The following F13A1 variants were observed in gnomAD, a reference collection of about 807,000 sequenced individuals.
F13A1 encodes the protein FSF, A subunit.
Under a neutral mutation model 80.1 loss-of-function variants are expected in F13A1, and 47 were observed. That is an observed-to-expected ratio of 0.59 (90% confidence interval 0.46 to 0.75). The LOEUF (loss-of-function observed/expected upper bound fraction) is 0.75. Ranked by LOEUF, F13A1 falls within the 30% of genes least tolerant of loss-of-function variation. F13A1 has a pLI of 0.00. For missense variants in F13A1, 817 were observed against 930.4 expected (o/e 0.88, Z 1.59); for synonymous variants, 349 against 344.9 (o/e 1.01, Z -0.13).
rs1224605741 is a variant in F13A1, at chr6:6,174,771, A to G, written c.1556T>C (p.Val519Ala). ...TEGVMKSRSN[V>A]DMDFEVENAV... ...ATTTTCCACTTCAAAGTCCATGTCA[A>G]CGTTGGACCTTGATTTCATGACACC... Residue 519 changes from valine (V) to alanine (A), a missense_variant, in exon 12 of 15, where the codon GTT becomes GCT. Physicochemically the swap from Val to Ala is moderately conservative, Grantham distance 64 (BLOSUM62 0). Coordinates refer to ENST00000264870, the MANE Select transcript of F13A1 (RefSeq NM_000129.4). The G allele has an allele frequency of 1.1e-5, 18 of 1,614,078 alleles. No homozygotes were observed. Among genetic ancestry groups the G allele is most frequent in the East Asian group, 4.5e-5 (2 of 44,892 alleles).
intron 8 of F13A1, among the ~76,000 whole-genome samples, chr6:6,202,548 G>A (rs994789462): frequency 2.0e-5 from 3 of 152,008 alleles, no homozygotes; most frequent in South Asian, 2.1e-4. Context: ...TTATGTTCTC[G>A]GAGCCTTCAT....
chr6:6,249,919 G>GCTT (rs766065796), intron 5 of F13A1, among the ~76,000 whole-genome samples: 1 of 152,166 alleles, frequency 6.6e-6, no homozygotes, highest in Non-Finnish European at 1.5e-5. Flanking sequence ...AGTCAGGGAA[G>GCTT]CTGTTCACAA....
rs1215799387 is a variant in F13A1, at chr6:6,316,108, T to C, written c.130+2427A>G. 5.9e-3 allele frequency among the ~76,000 whole-genome samples: 290 copies of C among 49,420 alleles called. 19 individuals are homozygous for C. The highest frequency in any genetic ancestry group is 0.024 in the African/African-American group (251 of 10,268). The allele number at this position is 49,420 out of a possible 152,430, so 32.4% of individuals were successfully genotyped here. ...ATATATATATATATATATATATATA[T>C]ATATATATATATATATATATATATA... is the stretch of plus-strand genomic sequence containing the variant. On this transcript the variant is annotated intron_variant, in intron 2 of 14. Coordinates refer to ENST00000264870, the MANE Select transcript of F13A1 (RefSeq NM_000129.4).
intron 8 of F13A1, among the ~76,000 whole-genome samples, chr6:6,202,529 C>G (rs1480869654): frequency 1.3e-5 from 2 of 152,158 alleles, no homozygotes; most frequent in African/African-American, 4.8e-5. Context: ...CTTTAAGATT[C>G]ATGGTTTTTT....
chr6:6,244,001 C>T (rs1201487425), intron 6 of F13A1, among the ~76,000 whole-genome samples: 4 of 152,214 alleles, frequency 2.6e-5, no homozygotes, highest in Non-Finnish European at 2.9e-5. Context: ...CAGGTAACCA[C>T]GCCGCAGTAA....
intron 10 of F13A1, among the ~76,000 whole-genome samples, chr6:6,191,358 G>C (rs1006586911): frequency 6.6e-6 from 1 of 152,072 alleles, no homozygotes; most frequent in Non-Finnish European, 1.5e-5. Flanking sequence ...TCCTTCTTTT[G>C]AATGTAATGT....
At chr6:6,222,239 C>T in intron 7 of F13A1, 68 bp from the exon 8 acceptor site, 1 of 1,600,078 alleles carries the variant, frequency 6.2e-7, no homozygotes, top group East Asian at 2.2e-5. Context: ...TGAAAAAACC[C>T]TTCTTGTAGG....
chr6:6,222,286 G>A, intron 7 of F13A1, 115 bp from the exon 8 acceptor site: 1 of 1,365,512 alleles, frequency 7.3e-7, no homozygotes, highest in South Asian at 1.2e-5. Flanking sequence ...AAGCCCTTTG[G>A]ACATGTTATT....
At chr6:6,186,772 T>C (rs1761087650) in intron 10 of F13A1, among the ~76,000 whole-genome samples, 1 of 151,930 alleles carries the variant, frequency 6.6e-6, no homozygotes, top group Non-Finnish European at 1.5e-5. Context: ...AAGTCACTGG[T>C]AGCTTGATGG....
intron 3 of F13A1, among the ~76,000 whole-genome samples, chr6:6,301,470 T>G (rs1001981534): frequency 1.5e-4 from 23 of 152,220 alleles, no homozygotes; most frequent in African/African-American, 5.1e-4. Flanking sequence ...CATGTGGCCC[T>G]GTAATGGCCC....
At chr6:6,307,015 G>T (rs911248805) in intron 2 of F13A1, among the ~76,000 whole-genome samples, 4 of 152,196 alleles carry the variant, frequency 2.6e-5, no homozygotes, top group Non-Finnish European at 4.4e-5. Flanking sequence ...TTGAATCTCA[G>T]GTGTCAAAAT....
intron 8 of F13A1, among the ~76,000 whole-genome samples, chr6:6,210,351 CT>C (rs567086298): frequency 1.5e-3 from 78 of 51,050 alleles, no homozygotes; most frequent in African/African-American, 2.6e-3. Context: ...ATATATATTT[CT>C]TTTTTTTTTT....
chr6:6,174,509 G>A (rs768460371), intron 12 of F13A1, 71 bp downstream of exon 12: 294 of 1,510,380 alleles, frequency 1.9e-4, no homozygotes, highest in Non-Finnish European at 2.5e-4. Context: ...AAGCTATAAC[G>A]GGCATTAACA....
At chr6:6,316,712 A>G (rs1413387837) in intron 2 of F13A1, among the ~76,000 whole-genome samples, 1 of 152,164 alleles carries the variant, frequency 6.6e-6, no homozygotes, top group Non-Finnish European at 1.5e-5. Context: ...GATAAGTTGC[A>G]CATTCCCAGT....
intron 13 of F13A1, among the ~76,000 whole-genome samples, chr6:6,153,206 T>C (rs578201940): frequency 3.3e-5 from 5 of 152,340 alleles, no homozygotes; most frequent in South Asian, 4.1e-4. Context: ...TACTATTCCA[T>C]GTTCCTTTAG....
intron 13 of F13A1, among the ~76,000 whole-genome samples, chr6:6,157,842 A>G (rs1158712525): frequency 3.0e-4 from 45 of 152,226 alleles, no homozygotes; most frequent in Admixed American, 2.9e-3. Context: ...AATAGCAAAC[A>G]TGAAATGCAC....
At chr6:6,245,498 A>T (rs1197334639) in intron 6 of F13A1, among the ~76,000 whole-genome samples, 1 of 152,224 alleles carries the variant, frequency 6.6e-6, no homozygotes, top group Non-Finnish European at 1.5e-5. Flanking sequence ...TGCTGGGATT[A>T]CAGGCGTGAG....
chr6:6,244,462 A>C (rs975966916), intron 6 of F13A1, among the ~76,000 whole-genome samples: 4 of 152,180 alleles, frequency 2.6e-5, no homozygotes, highest in Admixed American at 2.6e-4. Context: ...ATGTAAGGTT[A>C]TAATATCTCA....
intron 8 of F13A1, among the ~76,000 whole-genome samples, chr6:6,210,693 C>T (rs183327167): frequency 1.8e-3 from 269 of 151,612 alleles, no homozygotes; most frequent in Non-Finnish European, 3.0e-3. Context: ...CTCACCAGGC[C>T]GTGAAGCATA....
Sources: gnomAD v4.1 joint callset for allele counts (sites outside exome capture counted in the v4.1 genomes callset) on GRCh38, gnomAD v4.1.1 for gene constraint, MANE v1.5 for transcripts, NCBI Gene and HGNC (gene_info 2026-07-23, HGNC 2026-07-21) for gene names.